The following ZFYVE26 variants were observed in gnomAD, a reference collection of about 807,000 sequenced individuals.
The protein encoded by ZFYVE26 is zinc finger FYVE domain-containing protein 26.
A neutral mutation model predicts 276.5 loss-of-function variants in ZFYVE26; 181 were observed. The observed-to-expected ratio is 0.65, with a 90% CI of 0.58 to 0.74. The LOEUF is 0.74. ZFYVE26 is among the 30% of genes least tolerant of loss of function. The pLI is 0.00. For synonymous variants in ZFYVE26, 1,129 were observed against 1,203.1 expected (o/e 0.94, Z 1.27); for missense variants, 2,821 against 3,097.9 (o/e 0.91, Z 2.12).
At position 67,751,086 on chromosome 14, in the gene ZFYVE26, C is replaced by T. The variant is rs1164268087; in HGVS notation, c.7382G>A (p.Gly2461Asp). The change falls in exon 41 of 42, where the codon GGC becomes GAC. Residue 2461 changes from glycine (G) to aspartate (D), a missense_variant. Physicochemically the swap from Gly to Asp is moderately conservative, Grantham distance 94 (BLOSUM62 -1). Transcript: ENST00000347230. ...ATCATTGTGTATTGCCTGGATCAGG[C>T]CCTCCAGCTCCTGTGCAGAACAGAA... ...FKRIPPQELE[G>D]LIQAIHNDDN... 13 of 1,614,090 alleles carry T rather than the reference C, an allele frequency of 8.1e-6. No individual in the cohort carries two copies. Among genetic ancestry groups the T allele is most frequent in the Non-Finnish European group, 1.1e-5 (13 of 1,180,048 alleles).
chr14:67,753,875 G>T, intron 38 of ZFYVE26, 109 bp from the exon 39 acceptor site: 1 of 1,492,384 alleles, frequency 6.7e-7, no homozygotes, highest in African/African-American at 1.4e-5. Context: ...TATTTGTTGA[G>T]ACCCTGCTAA....
intron 3 of ZFYVE26, among the ~76,000 whole-genome samples, chr14:67,811,033 T>A (rs2040289882): frequency 6.6e-6 from 1 of 152,208 alleles, no homozygotes; most frequent in Admixed American, 6.5e-5. Context: ...CTTCTAACCA[T>A]GTACTTCCCT....
At chr14:67,789,669 G>A in intron 15 of ZFYVE26, 71 bp from the exon 16 acceptor site, 31 of 1,601,942 alleles carry the variant, frequency 1.9e-5, no homozygotes, top group Non-Finnish European at 2.6e-5. Flanking sequence ...ATTAGGTAAA[G>A]TAGTTACTTT....
chr14:67,762,806 C>T lies in ZFYVE26; in HGVS notation c.6025G>A (p.Val2009Ile), dbSNP rs763850664. The change falls in exon 33 of 42, where the codon GTA (valine) becomes ATA (isoleucine). Residue 2009 changes from valine (V) to isoleucine (I), a missense_variant. Physicochemically the swap from Val to Ile is conservative, Grantham distance 29. Coordinates refer to ENST00000347230, the MANE Select transcript of ZFYVE26 (RefSeq NM_015346.4). ...LALCDSYISK[V>I]DVLNILVAAA... The stretch of plus-strand genomic sequence containing the variant: ...GCAACTAAAATATTCAGCACATCTA[C>T]CTTGCTGATGTAGCTACAAGGAGGA... The T allele has an allele frequency of 6.2e-7, 1 of 1,614,100 alleles. No individual in the cohort carries two copies. The highest frequency in any genetic ancestry group is 8.5e-7 in the Non-Finnish European group (1 of 1,180,044).
chr14:67,793,298 T>C (rs946623502), intron 14 of ZFYVE26, among the ~76,000 whole-genome samples: 1 of 152,010 alleles, frequency 6.6e-6, no homozygotes, highest in East Asian at 1.9e-4. Flanking sequence ...CAAAAACCCA[T>C]GTATATGTTC....
At chr14:67,746,222 C>G (rs1265234594), downstream of ZFYVE26, among the ~76,000 whole-genome samples, 1 of 151,960 alleles carries the variant, frequency 6.6e-6, no homozygotes, top group Non-Finnish European at 1.5e-5. Context: ...GCTGGGTGGA[C>G]AGGGTGGAAG....
intron 40 of ZFYVE26, 21 bp downstream of exon 40, chr14:67,752,323 G>C (rs377426497): frequency 6.2e-7 from 1 of 1,602,056 alleles, no homozygotes; most frequent in Non-Finnish European, 8.5e-7. Context: ...GAGGAGCCAA[G>C]AGGTACGGGA....
In ZFYVE26 at chr14:67,748,443, C is replaced by G. The variant is rs562998547; in HGVS notation, c.7613G>C (p.Arg2538Thr). The change falls in exon 42 of 42, where the codon AGG (arginine) becomes ACG (threonine). Residue 2538 changes from arginine to threonine, a missense_variant. Coordinates refer to ENST00000347230, the MANE Select transcript of ZFYVE26 (RefSeq NM_015346.4). ...HPRGAHGPGS[R>T]K ...TGGCCCCACTGCCCAAGGTCACTTCCTGGAGCCTGGGCCATGGGCACCCCG... is the reference window on the plus strand; with the variant it reads ...TGGCCCCACTGCCCAAGGTCACTTCGTGGAGCCTGGGCCATGGGCACCCCG... 1 of 1,612,138 alleles carries G rather than the reference C, an allele frequency of 6.2e-7. No homozygotes were observed. Among genetic ancestry groups the G allele is most frequent in the East Asian group, 2.2e-5 (1 of 44,886 alleles).
intron 24 of ZFYVE26, 87 bp downstream of exon 24, chr14:67,778,039 G>A: frequency 5.1e-6 from 8 of 1,568,506 alleles, no homozygotes; most frequent in Non-Finnish European, 7.0e-6. Flanking sequence ...GAGATTGCAT[G>A]GGATTCAACA....
At chr14:67,759,587 G>A (rs952436929) in intron 35 of ZFYVE26, among the ~76,000 whole-genome samples, 5 of 127,576 alleles carry the variant, frequency 3.9e-5, no homozygotes, top group African/African-American at 9.1e-5. Flanking sequence ...TCTCACCACC[G>A]CGCTCCAGCC....
chr14:67,753,589 C>G (rs1199815621), intron 39 of ZFYVE26, 118 bp downstream of exon 39: 21 of 1,102,680 alleles, frequency 1.9e-5, no homozygotes, highest in Non-Finnish European at 2.6e-5. Context: ...GATTTCATCC[C>G]TAATGTGCAT....
At chr14:67,777,857 CCT>C in intron 24 of ZFYVE26, 122 bp from the exon 25 acceptor site, 2 of 1,310,154 alleles carry the variant, frequency 1.5e-6, no homozygotes, top group Non-Finnish European at 2.2e-6. Context: ...TCTCTATACT[CCT>C]TTTTTTTTTT....
rs1413616312 is a variant in ZFYVE26, at chr14:67,785,198, C to G, written c.3384G>C (p.Gln1128His). Reference sequence around the variant, plus strand: ...TCTTCTGGAGGAGCTGAGTCTGGATCTGCACAGGGTGGGCCTCTGCCTCTG... The same window carrying G: ...TCTTCTGGAGGAGCTGAGTCTGGATGTGCACAGGGTGGGCCTCTGCCTCTG... ...KAPEAEAHPV[Q>H]IQTQLLQKNL... The change falls in exon 19 of 42, where the codon CAG becomes CAC. Residue 1128 changes from glutamine (Q) to histidine (H), a missense_variant. Coordinates refer to ENST00000347230, the MANE Select transcript of ZFYVE26 (RefSeq NM_015346.4). 5 of 1,614,012 alleles carry G rather than the reference C, an allele frequency of 3.1e-6. No homozygotes were observed. Among genetic ancestry groups the G allele is most frequent in the Middle Eastern group, 3.3e-4 (2 of 6,084 alleles).
Position 67,798,474 on chromosome 14 carries a change from A to T in ZFYVE26, c.1788T>A (p.Pro596=). 2 of 1,614,202 alleles carry T rather than the reference A, an allele frequency of 1.2e-6. No individual in the cohort carries two copies. Among genetic ancestry groups the T allele is most frequent in the Non-Finnish European group, 1.7e-6 (2 of 1,180,044 alleles). The change falls in exon 11 of 42, where the codon CCT becomes CCA. Residue 596 remains proline, a synonymous_variant. Coordinates refer to ENST00000347230, the MANE Select transcript of ZFYVE26 (RefSeq NM_015346.4). ...SADLHPEPHL[P]EDYAEDDDIE... ...TGTCATCATCCTCAGCATAGTCCTC[A>T]GGCAAGTGAGGCTCTGGGTGAAGAT...
chr14:67,807,706 A>C lies in ZFYVE26; in HGVS notation c.578T>G (p.Leu193Arg). The C allele has an allele frequency of 6.2e-7, 1 of 1,614,188 alleles. No individual in the cohort carries two copies. The change falls in exon 5 of 42, where the codon CTG (leucine) becomes CGG (arginine). Residue 193 changes from leucine (L) to arginine (R), a missense_variant. By Grantham distance (102) the Leu-to-Arg change is moderately radical (BLOSUM62 -2). Transcript: ENST00000347230. ...GLCHWPLQNALVDLIRKALRA... is the reference protein window; with the variant it reads ...GLCHWPLQNARVDLIRKALRA... Reference sequence around the variant, plus strand: ...CAATGCCTTTCGAATGAGGTCCACCAGTGCATTCTGCAGAGGCCAGTGACA... The same window carrying C: ...CAATGCCTTTCGAATGAGGTCCACCCGTGCATTCTGCAGAGGCCAGTGACA...
intron 35 of ZFYVE26, among the ~76,000 whole-genome samples, chr14:67,757,761 C>G (rs1015452946): frequency 1.3e-5 from 2 of 151,968 alleles, no homozygotes; most frequent in African/African-American, 4.8e-5. Context: ...GTAACCCAAG[C>G]TGGAGTGCAG....
downstream of ZFYVE26, among the ~76,000 whole-genome samples, chr14:67,745,987 T>C: frequency 7.0e-6 from 1 of 142,832 alleles, no homozygotes; most frequent in Non-Finnish European, 1.5e-5. Flanking sequence ...GAAGAAACCT[T>C]TCACCCATCG....
chr14:67,770,453 G>C (rs1284797707), intron 28 of ZFYVE26: 5 of 102,434 alleles, frequency 4.9e-5, no homozygotes, highest in African/African-American at 1.9e-4. Flanking sequence ...GACAGAGCTA[G>C]ACTCTGTCTC....
rs200067509 is a variant in ZFYVE26 at position 67,732,152 on chromosome 14, T to G, written n.2680-2333A>C. Among the ~76,000 whole-genome samples, 44 of 143,018 alleles carry G rather than the reference T, an allele frequency of 3.1e-4. 1 individual carries two copies. In the East Asian group the frequency reaches 9.0e-3, roughly 29 times the overall value. 93.8% of individuals were successfully genotyped at this position (143,018 alleles called of 152,430 possible). A position where few individuals can be genotyped will look rare whatever the true frequency, so the allele number is the denominator to read the frequency against. ...AAAAAAAAAAAAAAAAAAAAAAATT[T>G]AAGGCTGGGTGTGGCGGCTCATGCC... On this transcript the variant is annotated intron_variant and non_coding_transcript_variant, in intron 13 of 14. Coordinates refer to the ZFYVE26 transcript ENST00000394455.
Sources: allele counts gnomAD v4.1 joint callset (sites outside exome capture counted in the v4.1 genomes callset), GRCh38; gene constraint gnomAD v4.1.1; transcripts MANE v1.5; gene names NCBI Gene and HGNC (gene_info 2026-07-23, HGNC 2026-07-21).